Variants in CYREN observed in about 807,000 individuals in gnomAD.
The protein encoded by CYREN is cell cycle regulator of NHEJ.
A neutral mutation model predicts 9.7 loss-of-function variants in CYREN; 7 were observed. That is an observed-to-expected ratio of 0.72 (90% CI 0.41 to 1.36). The LOEUF (loss-of-function observed/expected upper bound fraction) is 1.36, where lower values mean the gene tolerates loss of function less well. CYREN is among the 40% of genes most tolerant of loss of function. The pLI is 0.01. For missense variants in CYREN, 215 were observed against 198.1 expected (o/e 1.09, Z -0.51); for synonymous variants, 76 against 77.9 (o/e 0.98, Z 0.13).
chr7:135,094,577 G>A (rs565313356), exon 3 of CYREN: 96 of 456,010 alleles, frequency 2.1e-4, no homozygotes, highest in Non-Finnish European at 4.1e-4. Context: ...AGACCTCTTA[G>A]TTGCTCTGGA....
chr7:135,145,479 T>C (rs567783692), intron 2 of CYREN, among the ~76,000 whole-genome samples: 1 of 152,192 alleles, frequency 6.6e-6, no homozygotes, highest in South Asian at 2.1e-4. Context: ...AACAGCTGTG[T>C]GTGGTGTCAA....
At chr7:135,110,557 A>G (rs1825483164) in intron 2 of CYREN, among the ~76,000 whole-genome samples, 1 of 151,774 alleles carries the variant, frequency 6.6e-6, no homozygotes, top group Admixed American at 6.6e-5. Flanking sequence ...CCCCATCATC[A>G]CTCACTGACT....
At chr7:135,144,741 C>A (rs556107467) in intron 2 of CYREN, among the ~76,000 whole-genome samples, 143 of 148,086 alleles carry the variant, frequency 9.7e-4, no homozygotes, top group South Asian at 1.6e-3. Context: ...CATGGCAAAA[C>A]CCTATCTGTA....
At chr7:135,106,201 T>C (rs528919681) in intron 2 of CYREN, among the ~76,000 whole-genome samples, 2 of 152,330 alleles carry the variant, frequency 1.3e-5, no homozygotes, top group East Asian at 3.9e-4. Context: ...CCGCTCTTCC[T>C]ATTTGGATGC....
intron 2 of CYREN, among the ~76,000 whole-genome samples, chr7:135,116,666 T>C (rs1826358640): frequency 6.6e-6 from 1 of 152,202 alleles, no homozygotes; most frequent in African/African-American, 2.4e-5. Flanking sequence ...TTGTTCTTCT[T>C]TGACTCCACC....
chr7:135,094,906 A>G (rs1268342260), intron 2 of CYREN, among the ~76,000 whole-genome samples: 2 of 152,220 alleles, frequency 1.3e-5, no homozygotes, highest in Non-Finnish European at 2.9e-5. Context: ...AGGAAAAATT[A>G]TATACAGAAT....
intron 3 of CYREN, chr7:135,167,374 G>T: frequency 9.0e-7 from 1 of 1,116,312 alleles, no homozygotes; most frequent in Non-Finnish European, 1.1e-6. Flanking sequence ...CAGGAGAGGG[G>T]CAATGGCTAA....
chr7:135,141,721 G>A (rs192197365), intron 2 of CYREN, among the ~76,000 whole-genome samples: 1 of 152,194 alleles, frequency 6.6e-6, no homozygotes, highest in East Asian at 1.9e-4. Context: ...TGCTTTAGCT[G>A]TGTCCCAGAC....
rs533638680 is a variant in CYREN at position 135,157,805 on chromosome 7, G to C, written n.356+10944C>G. ...TGCTTAGGAGAGCTTGGTCTTCCCT[G>C]TCCCTTTCCTACCAGGGTGGCAGCT... is the stretch of plus-strand genomic sequence containing the variant. On this transcript the variant is annotated intron_variant and non_coding_transcript_variant, in intron 2 of 2. Transcript: ENST00000459937. Among the ~76,000 whole-genome samples, 18 of 152,280 alleles carry C rather than the reference G, an allele frequency of 1.2e-4. No individual in the cohort carries two copies. The East Asian group carries it at 3.3e-3, about 28-fold the overall frequency.
At position 135,166,416 on chromosome 7, in the gene CYREN, C is replaced by G; in HGVS notation, c.*195G>C. 2 of 739,546 alleles carry G rather than the reference C, an allele frequency of 2.7e-6. No homozygotes were observed. The highest frequency in any genetic ancestry group is 4.9e-5 in the South Asian group (2 of 41,048). 45.8% of individuals were successfully genotyped at this position (739,546 alleles called of 1,614,324 possible). ...CTCATTTTGAGTCCTGCCTTCCGCA[C>G]ACTCAGAACGGCAGCCCCAAGGCCC... is the stretch of plus-strand genomic sequence containing the variant. On this transcript the variant is annotated 3_prime_UTR_variant, in exon 4 of 4. Transcript: ENST00000393114.
At chr7:135,161,669 T>C (rs558160797), downstream of CYREN, among the ~76,000 whole-genome samples, 3 of 152,366 alleles carry the variant, frequency 2.0e-5, no homozygotes, top group East Asian at 5.8e-4. The surrounding 1 kb of genome is among the most constrained non-coding windows in gnomAD (Gnocchi z 4.1). Flanking sequence ...TAATGCCACC[T>C]TTTCAATTCC....
At chr7:135,145,625 C>G (rs1393510154) in intron 2 of CYREN, among the ~76,000 whole-genome samples, 3 of 152,130 alleles carry the variant, frequency 2.0e-5, no homozygotes, top group Non-Finnish European at 2.9e-5. Flanking sequence ...CAATAGAAAA[C>G]CAAGCAAGCA....
At chr7:135,124,594 C>A (rs10268206) in intron 2 of CYREN, among the ~76,000 whole-genome samples, 1 of 152,016 alleles carries the variant, frequency 6.6e-6, no homozygotes, top group African/African-American at 2.4e-5. Flanking sequence ...ACAGAATATA[C>A]GTTCTTCTCT....
chr7:135,146,611 T>C lies in CYREN; in HGVS notation n.356+22138A>G, dbSNP rs541660720. 3.9e-5 allele frequency among the ~76,000 whole-genome samples: 6 copies of C among 152,210 alleles called. No individual in the cohort carries two copies. In the East Asian group the frequency reaches 1.2e-3, roughly 29 times the overall value. On this transcript the variant is annotated intron_variant and non_coding_transcript_variant, in intron 2 of 2. Coordinates refer to the CYREN transcript ENST00000459937. ...TTGATTTAAACAAAACTATAACCAA[T>C]TTGGATAGAGGAGGAAGAGAGGAAG...
Position 135,102,773 on chromosome 7 carries a change from C to T in CYREN, n.357-8191G>A, listed in dbSNP as rs190672519. On this transcript the variant is annotated intron_variant and non_coding_transcript_variant, in intron 2 of 2. Coordinates refer to the CYREN transcript ENST00000459937. ...TTACACCATAGCAAAAAAAAATTAA[C>T]TCAAAATGGATCATAGATCTAAATA... Among the ~76,000 whole-genome samples, 963 of 151,796 alleles carry T rather than the reference C, an allele frequency of 6.3e-3. 7 individuals carry two copies. The highest frequency in any genetic ancestry group is 0.017 in the Admixed American group (255 of 15,236).
rs1416978163 is a variant in CYREN, at chr7:135,134,965, C to T, written n.356+33784G>A. On this transcript the variant is annotated intron_variant and non_coding_transcript_variant, in intron 2 of 2. Coordinates refer to the CYREN transcript ENST00000459937. Reference sequence around the variant, plus strand: ...CTCTTCAGAATGGGTCCAGTCTAAGCCCCACAGGTCATTGGAAAGTTTATC... The same window carrying T: ...CTCTTCAGAATGGGTCCAGTCTAAGTCCCACAGGTCATTGGAAAGTTTATC... 2.1e-5 allele frequency: 33 copies of T among 1,551,044 alleles called. No homozygotes were observed. Among genetic ancestry groups the T allele is most frequent in the Non-Finnish European group, 2.8e-5 (32 of 1,146,652 alleles).
intron 2 of CYREN, chr7:135,115,714 A>G (rs1826225976): frequency 1.0e-6 from 1 of 953,832 alleles, no homozygotes; most frequent in Non-Finnish European, 1.5e-6. Context: ...TCTGCTCTTG[A>G]AAATGATGTC....
chr7:135,138,082 G>A (rs540097515), intron 2 of CYREN, among the ~76,000 whole-genome samples: 1 of 152,070 alleles, frequency 6.6e-6, no homozygotes, highest in Non-Finnish European at 1.5e-5. Context: ...TGTATCCAGT[G>A]AAATTGTCCT....
downstream of CYREN, chr7:135,164,457 C>A: frequency 1.3e-6 from 2 of 1,599,776 alleles, no homozygotes; most frequent in South Asian, 1.1e-5. Flanking sequence ...CGGCCCAAGG[C>A]CTCGGTGGCG....
Sources: allele counts gnomAD v4.1 joint callset (sites outside exome capture counted in the v4.1 genomes callset), GRCh38; gene constraint gnomAD v4.1.1; non-coding constraint Gnocchi (gnomAD v3.1); transcripts MANE v1.5; gene names NCBI Gene and HGNC (gene_info 2026-07-23, HGNC 2026-07-21).